SHANK2: variants seen among roughly 807,000 people sequenced by gnomAD.
The protein encoded by SHANK2 is SH3 and multiple ankyrin repeat domains 2, also known as SH3 and multiple ankyrin repeat domains protein 2.
SHANK2 carries 43 observed loss-of-function variants against 133.7 expected under a neutral mutation model. That is an observed-to-expected ratio of 0.32 (90% CI 0.25 to 0.41). The LOEUF (loss-of-function observed/expected upper bound fraction) is 0.41. Ranked by LOEUF, SHANK2 falls within the 10% of genes least tolerant of loss-of-function variation. The probability of loss-of-function intolerance (pLI) is 1.00; values close to 1 mark genes in which losing one functional copy is unlikely to be tolerated. For synonymous variants in SHANK2, 1,017 were observed against 952.8 expected (o/e 1.07, Z -1.24); for missense variants, 1,994 against 2,235.8 (o/e 0.89, Z 2.18).
chr11:70,658,053 G>A (rs144409667), intron 17 of SHANK2, among the ~76,000 whole-genome samples: 1 of 152,228 alleles, frequency 6.6e-6, no homozygotes, highest in African/African-American at 2.4e-5. Context: ...AACGGGGGTT[G>A]TTCTTGCATC....
At chr11:71,171,446 C>G (rs1192317678) in intron 2 of SHANK2, among the ~76,000 whole-genome samples, 1 of 152,222 alleles carries the variant, frequency 6.6e-6, no homozygotes, top group African/African-American at 2.4e-5. Context: ...CCAAGTGAAA[C>G]AGGGACTCAG....
intron 2 of SHANK2, among the ~76,000 whole-genome samples, chr11:71,216,312 T>C (rs1555119874): frequency 1.3e-5 from 2 of 152,344 alleles, no homozygotes; most frequent in East Asian, 1.9e-4. Context: ...CACTGAATCA[T>C]GCTAAACGTG....
At chr11:70,876,137 C>T (rs530813447) in intron 11 of SHANK2, among the ~76,000 whole-genome samples, 4 of 149,938 alleles carry the variant, frequency 2.7e-5, no homozygotes, top group African/African-American at 9.8e-5. Flanking sequence ...GCCTGGGCAA[C>T]AAGAGTGAAA....
intron 17 of SHANK2, among the ~76,000 whole-genome samples, chr11:70,554,109 T>A (rs2059801579): frequency 6.6e-6 from 1 of 152,240 alleles, no homozygotes; most frequent in African/African-American, 2.4e-5. Context: ...AGGAACAGCC[T>A]GTGCTGATAG....
chr11:71,192,741 A>C (rs1953816986), intron 2 of SHANK2, among the ~76,000 whole-genome samples: 1 of 152,230 alleles, frequency 6.6e-6, no homozygotes, highest in African/African-American at 2.4e-5. Context: ...CAAATTGCAA[A>C]GAGATCTATA....
At chr11:70,596,762 T>C (rs2060406919) in intron 17 of SHANK2, among the ~76,000 whole-genome samples, 1 of 152,092 alleles carries the variant, frequency 6.6e-6, no homozygotes, top group Non-Finnish European at 1.5e-5. Context: ...ACGGGCACTT[T>C]GGTGGGGTAC....
chr11:70,825,812 T>C (rs1555057091), intron 11 of SHANK2, among the ~76,000 whole-genome samples: 1 of 152,246 alleles, frequency 6.6e-6, no homozygotes, highest in African/African-American at 2.4e-5. Flanking sequence ...ATAACTGTTT[T>C]CTGTCTGAAA....
intron 11 of SHANK2, among the ~76,000 whole-genome samples, chr11:70,845,008 G>A (rs1220041893): frequency 3.3e-5 from 5 of 151,924 alleles, no homozygotes; most frequent in African/African-American, 1.2e-4. Context: ...AGACCAGCCT[G>A]GCCAAGATGC....
chr11:71,093,051 A>AGCG lies in SHANK2; in HGVS notation c.745-463_745-462insCGC, dbSNP rs1555094441. On this transcript the variant is annotated intron_variant, in intron 7 of 25. Coordinates refer to ENST00000601538, the MANE Select transcript of SHANK2 (RefSeq NM_012309.5). ...GAGCAAAGCTCAGTCTCAAAAATAAAGGGGGGGGGGGGCAGGTATAACTTT... is the reference window on the plus strand; with the variant it reads ...GAGCAAAGCTCAGTCTCAAAAATAAAGCGGGGGGGGGGGGGCAGGTATAACTTT... Among the ~76,000 whole-genome samples, 7 of 70,546 alleles carry AGCG rather than the reference A, an allele frequency of 9.9e-5. 1 individual carries two copies. The highest frequency in any genetic ancestry group is 1.7e-4 in the Non-Finnish European group (6 of 35,920). 46.3% of individuals were successfully genotyped at this position (70,546 alleles called of 152,430 possible).
chr11:70,489,893 G>A, intron 23 of SHANK2: 1 of 316,548 alleles, frequency 3.2e-6, no homozygotes, highest in Non-Finnish European at 6.1e-6. Context: ...CCTGGTGGTG[G>A]CTGGGGAATG....
intron 17 of SHANK2, among the ~76,000 whole-genome samples, chr11:70,524,742 G>C (rs1405410613): frequency 1.3e-5 from 2 of 152,222 alleles, no homozygotes; most frequent in Non-Finnish European, 2.9e-5. Flanking sequence ...AAGAAGGGTG[G>C]GGGAAGCCCA....
chr11:71,201,213 G>A (rs528984845), intron 2 of SHANK2, among the ~76,000 whole-genome samples: 9 of 152,144 alleles, frequency 5.9e-5, no homozygotes, highest in South Asian at 2.1e-4. Flanking sequence ...CAGCAACCAC[G>A]TGCCCTCCCC....
At chr11:70,667,753 A>G (rs1429165011) in intron 15 of SHANK2, 3 of 152,220 alleles carry the variant, frequency 2.0e-5, no homozygotes, top group Non-Finnish European at 2.9e-5. Context: ...GCCCAGACGT[A>G]TGGGCCTGAG....
intron 11 of SHANK2, among the ~76,000 whole-genome samples, chr11:70,855,217 T>C (rs1555066599): frequency 6.6e-6 from 1 of 152,236 alleles, no homozygotes; most frequent in Admixed American, 6.5e-5. Context: ...TCATCCAATT[T>C]GGTCACATGA....
At chr11:70,556,405 C>G (rs2059831389) in intron 17 of SHANK2, among the ~76,000 whole-genome samples, 1 of 151,134 alleles carries the variant, frequency 6.6e-6, no homozygotes, top group Non-Finnish European at 1.5e-5. Flanking sequence ...CTCTCTCTCT[C>G]TCTCTCTCTC....
chr11:70,907,671 T>C, intron 10 of SHANK2: 2 of 217,064 alleles, frequency 9.2e-6, no homozygotes, highest in South Asian at 5.7e-5. Flanking sequence ...AATAAGAAAA[T>C]TGACAAATAT....
At chr11:71,074,503 T>C (rs1951192845) in intron 9 of SHANK2, among the ~76,000 whole-genome samples, 1 of 152,170 alleles carries the variant, frequency 6.6e-6, no homozygotes, top group African/African-American at 2.4e-5. Flanking sequence ...AAGGATTGTT[T>C]TGCTGTGTTT....
chr11:70,498,504 T>C (rs1555157620), intron 21 of SHANK2, among the ~76,000 whole-genome samples: 1 of 152,212 alleles, frequency 6.6e-6, no homozygotes, highest in Non-Finnish European at 1.5e-5. Flanking sequence ...CCCCTTCATG[T>C]GCCCAGGGGC....
intron 14 of SHANK2, among the ~76,000 whole-genome samples, chr11:70,770,702 C>G (rs1947228755): frequency 6.6e-6 from 1 of 152,076 alleles, no homozygotes; most frequent in Non-Finnish European, 1.5e-5. Context: ...AAAGTGACAC[C>G]CATTTCGGTT....
Sources: gnomAD v4.1 joint callset for allele counts (sites outside exome capture counted in the v4.1 genomes callset) on GRCh38, gnomAD v4.1.1 for gene constraint, MANE v1.5 for transcripts, NCBI Gene and HGNC (gene_info 2026-07-23, HGNC 2026-07-21) for gene names.